Variants in GABRB1 observed in about 807,000 individuals in gnomAD.
The protein encoded by GABRB1 is gamma-aminobutyric acid type A receptor subunit beta1, also known as gamma-aminobutyric acid receptor subunit beta-1.
A neutral mutation model predicts 51.6 loss-of-function variants in GABRB1; 17 were observed. The ratio of observed to expected loss-of-function variants is 0.33; its 90% CI spans 0.23 to 0.49. GABRB1 has a LOEUF of 0.49. Ranked by LOEUF, GABRB1 falls within the 20% of genes least tolerant of loss-of-function variation. GABRB1 has a pLI of 0.99. For missense variants in GABRB1, 410 were observed against 600.6 expected, an observed-to-expected ratio of 0.68 and a Z score of 3.32; for synonymous variants, 247 against 218.9, an observed-to-expected ratio of 1.13 and a Z score of -1.14.
chr4:47,403,626 C>T lies in GABRB1; in HGVS notation c.750C>T (p.Thr250=), dbSNP rs1366142325. The T allele has an allele frequency of 1.2e-6, 2 of 1,613,818 alleles. No individual in the cohort carries two copies. Among genetic ancestry groups the T allele is most frequent in the Admixed American group, 3.3e-5 (2 of 59,988 alleles). The change falls in exon 7 of 9, where the codon ACC becomes ACT. Residue 250 remains threonine (T), a synonymous_variant. Transcript: ENST00000295454. ...ACATTGGTTACTTCATTTTGCAAACCTACATGCCTTCTACACTGATTACAA... is the reference window on the plus strand; with the variant it reads ...ACATTGGTTACTTCATTTTGCAAACTTACATGCCTTCTACACTGATTACAA... ...KRNIGYFILQ[T]YMPSTLITIL...
chr4:47,041,604 G>T (rs946234209), intron 3 of GABRB1, among the ~76,000 whole-genome samples: 3 of 152,072 alleles, frequency 2.0e-5, no homozygotes, highest in South Asian at 2.1e-4. Flanking sequence ...GGGTTTATTT[G>T]GTATCTTCCC....
chr4:47,305,861 C>T (rs1724449131), intron 4 of GABRB1, among the ~76,000 whole-genome samples: 1 of 151,988 alleles, frequency 6.6e-6, no homozygotes, highest in African/African-American at 2.4e-5. Context: ...ATGCCCAGTT[C>T]AAAGCAACAT....
At chr4:47,183,277 ATATTATCAGC>A (rs1719032490) in intron 4 of GABRB1, among the ~76,000 whole-genome samples, 1 of 149,884 alleles carries the variant, frequency 6.7e-6, no homozygotes, top group South Asian at 2.1e-4. Context: ...ATAAGATGAT[ATATTATCAGC>A]TCTTCCACCA....
Position 47,373,884 on chromosome 4 carries a change from C to T in GABRB1, c.545-29434C>T, listed in dbSNP as rs1250577868. Among the ~76,000 whole-genome samples the T allele has an allele frequency of 2.0e-5, 3 of 152,268 alleles. No homozygotes were observed. In the South Asian group the frequency reaches 6.2e-4, roughly 32 times the overall value. ...CAAGGGGAGCTGTGAGGTAAGGTGT[C>T]AAGGAAGGTCTCTGTTTTTATTGCC... is the stretch of plus-strand genomic sequence containing the variant. On this transcript the variant is annotated intron_variant, in intron 5 of 8. Transcript: ENST00000295454.
Position 47,403,299 on chromosome 4 carries a change from C to A in GABRB1, c.545-19C>A, listed in dbSNP as rs375958169. On this transcript the variant is annotated intron_variant, in intron 5 of 8. Coordinates refer to ENST00000295454, the MANE Select transcript of GABRB1 (RefSeq NM_000812.4). Reference sequence around the variant, plus strand: ...ATTTCCTAAACTTTGTTTAACCGTGCTGTTTTTATTGGTTTCAGATGGCTA... The same window carrying A: ...ATTTCCTAAACTTTGTTTAACCGTGATGTTTTTATTGGTTTCAGATGGCTA... The A allele has an allele frequency of 4.3e-6, 7 of 1,612,120 alleles. No individual in the cohort carries two copies. The highest frequency in any genetic ancestry group is 1.7e-4 in the Middle Eastern group (1 of 5,988).
intron 3 of GABRB1, among the ~76,000 whole-genome samples, chr4:47,156,027 A>G (rs1045393253): frequency 5.4e-5 from 8 of 148,676 alleles, no homozygotes; most frequent in African/African-American, 2.0e-4. Flanking sequence ...TAATGCTACA[A>G]TAAAAATGGG....
In GABRB1 at chr4:47,385,486, G is replaced by A. The variant is rs765938678; in HGVS notation, c.545-17832G>A. On this transcript the variant is annotated intron_variant, in intron 5 of 8. Coordinates refer to ENST00000295454, the MANE Select transcript of GABRB1 (RefSeq NM_000812.4). ...GCAACAGGATTTCAAGACTGTAAAA[G>A]ATTTGACCACAGGTATCTAAGAGAA... Among the ~76,000 whole-genome samples the A allele has an allele frequency of 5.3e-5, 8 of 152,262 alleles. 1 individual carries two copies. In the Middle Eastern group the frequency reaches 0.01, roughly 194 times the overall value.
chr4:47,259,915 T>G (rs1471785965), intron 4 of GABRB1, among the ~76,000 whole-genome samples: 1 of 152,194 alleles, frequency 6.6e-6, no homozygotes, highest in Non-Finnish European at 1.5e-5. Context: ...TGTCTGATGT[T>G]GACAGTGGGG....
At chr4:47,017,262 T>C (rs1724779757) in intron 1 of GABRB1, among the ~76,000 whole-genome samples, 1 of 152,216 alleles carries the variant, frequency 6.6e-6, no homozygotes. Context: ...TTGCTTGGGA[T>C]CATGATTTTG....
intron 5 of GABRB1, among the ~76,000 whole-genome samples, chr4:47,385,935 C>T (rs1216133195): frequency 6.6e-6 from 1 of 152,168 alleles, no homozygotes; most frequent in Non-Finnish European, 1.5e-5. Flanking sequence ...ACACATAGGG[C>T]AAAGAATGGC....
At chr4:47,065,567 A>T (rs181105188) in intron 3 of GABRB1, among the ~76,000 whole-genome samples, 1 of 152,394 alleles carries the variant, frequency 6.6e-6, no homozygotes, top group East Asian at 1.9e-4. Flanking sequence ...ATTGAATTCC[A>T]ATATGCCATG....
At chr4:47,394,862 A>G (rs1471533246) in intron 5 of GABRB1, among the ~76,000 whole-genome samples, 1 of 151,996 alleles carries the variant, frequency 6.6e-6, no homozygotes, top group Non-Finnish European at 1.5e-5. Context: ...TTTTTGTGTT[A>G]CTTGATAGAA....
At chr4:47,164,611 G>T (rs1718092940) in intron 4 of GABRB1, among the ~76,000 whole-genome samples, 1 of 152,028 alleles carries the variant, frequency 6.6e-6, no homozygotes, top group Non-Finnish European at 1.5e-5. Flanking sequence ...CCTTTGGCTA[G>T]GTATTCCATA....
chr4:47,054,055 T>A (rs59619890), intron 3 of GABRB1, among the ~76,000 whole-genome samples: 16,607 of 147,682 alleles, frequency 0.11, 1,308 homozygotes, highest in East Asian at 0.28. Context: ...TTGACTTTTT[T>A]AAAAAAAAAA....
intron 3 of GABRB1, among the ~76,000 whole-genome samples, chr4:47,136,438 T>C (rs1716656733): frequency 2.0e-5 from 3 of 152,058 alleles, no homozygotes; most frequent in African/African-American, 4.8e-5. Context: ...TAACTGCTAA[T>C]TCAATTAAAG....
At chr4:47,275,743 C>T (rs1283459160) in intron 4 of GABRB1, among the ~76,000 whole-genome samples, 1 of 152,080 alleles carries the variant, frequency 6.6e-6, no homozygotes, top group African/African-American at 2.4e-5. Context: ...TTCACATTTG[C>T]CAGCCTCCCA....
chr4:47,087,146 G>T (rs1728111345), intron 3 of GABRB1, among the ~76,000 whole-genome samples: 1 of 152,128 alleles, frequency 6.6e-6, no homozygotes, highest in African/African-American at 2.4e-5. Context: ...TAATCCATGA[G>T]GATGGCATAG....
At chr4:47,279,984 A>G (rs1723222979) in intron 4 of GABRB1, among the ~76,000 whole-genome samples, 1 of 151,692 alleles carries the variant, frequency 6.6e-6, no homozygotes, top group Non-Finnish European at 1.5e-5. Context: ...CCATCTATTT[A>G]CATTGAAAGT....
intron 1 of GABRB1, among the ~76,000 whole-genome samples, chr4:47,024,596 T>C (rs908773456): frequency 1.3e-5 from 2 of 151,888 alleles, no homozygotes; most frequent in Non-Finnish European, 2.9e-5. Flanking sequence ...CCATACATTT[T>C]TGGGGAAGAA....
Sources: allele counts gnomAD v4.1 joint callset (sites outside exome capture counted in the v4.1 genomes callset), GRCh38; gene constraint gnomAD v4.1.1; transcripts MANE v1.5; gene names NCBI Gene and HGNC (gene_info 2026-07-23, HGNC 2026-07-21).